Variants in SERTAD2 observed in about 807,000 individuals in gnomAD.
SERTAD2 encodes the protein SERTA domain-containing protein 2.
A neutral mutation model predicts 15.4 loss-of-function variants in SERTAD2; 2 were observed. The ratio of observed to expected loss-of-function variants is 0.13; its 90% confidence interval spans 0.05 to 0.41. The LOEUF (loss-of-function observed/expected upper bound fraction) is 0.41. Ranked by LOEUF, SERTAD2 falls within the 10% of genes least tolerant of loss-of-function variation. SERTAD2 has a pLI of 0.99. For missense variants in SERTAD2, 333 were observed against 409.7 expected, an observed-to-expected ratio of 0.81 and a Z score of 1.62; for synonymous variants, 180 against 178.0, an observed-to-expected ratio of 1.01 and a Z score of -0.09.
chr2:64,634,496 G>A lies in SERTAD2; in HGVS notation c.*1431C>T, dbSNP rs1226674117. On this transcript the variant is annotated 3_prime_UTR_variant, in exon 2 of 2. Coordinates refer to ENST00000313349, the MANE Select transcript of SERTAD2 (RefSeq NM_014755.3). ...ACTCAGGAAAGCAACCAGATGGGAA[G>A]CTGTGACGTAATGTGATGAACTCCA... is the stretch of plus-strand genomic sequence containing the variant. 6.6e-6 allele frequency: 1 copy of A among 152,202 alleles called. No homozygotes were observed. The highest frequency in any genetic ancestry group is 2.4e-5 in the African/African-American group (1 of 41,436). The allele number at this position is 152,202 out of a possible 1,614,324, so 9.4% of individuals were successfully genotyped here.
chr2:64,649,329 A>G (rs1311540849), intron 1 of SERTAD2, among the ~76,000 whole-genome samples: 1 of 152,216 alleles, frequency 6.6e-6, no homozygotes, highest in African/African-American at 2.4e-5. Flanking sequence ...GCAAAGCGCT[A>G]AAGGCTGATC....
chr2:64,640,967 C>T (rs1674764374), intron 1 of SERTAD2, among the ~76,000 whole-genome samples: 1 of 152,176 alleles, frequency 6.6e-6, no homozygotes, highest in African/African-American at 2.4e-5. Flanking sequence ...AATGACCTCC[C>T]TCCCCAATAA....
Position 64,635,702 on chromosome 2 carries a change from GGTA to G in SERTAD2, c.*222_*224del, listed in dbSNP as rs1415736329. The G allele has an allele frequency of 6.1e-6, 3 of 491,400 alleles. No homozygotes were observed. The highest frequency in any genetic ancestry group is 5.7e-5 in the African/African-American group (3 of 52,584). The allele number at this position is 491,400 out of a possible 1,614,324, so 30.4% of individuals were successfully genotyped here. A position where few individuals can be genotyped will look rare whatever the true frequency, so the allele number is the denominator to read the frequency against. ...TCAAATGGATTCTTTCCTATACCAG[GGTA>G]GTAGGTCTCTGAGGAACCACTCAAA... On this transcript the variant is annotated 3_prime_UTR_variant, in exon 2 of 2. Transcript: ENST00000313349.
intron 1 of SERTAD2, 31 bp from the exon 2 acceptor site, chr2:64,636,906 A>T (rs1674674847): frequency 6.9e-7 from 1 of 1,458,060 alleles, no homozygotes; most frequent in Admixed American, 1.9e-5. Flanking sequence ...AAATGGCATT[A>T]ATCACATGAA....
chr2:64,641,448 A>C (rs182666727), intron 1 of SERTAD2, among the ~76,000 whole-genome samples: 1 of 152,216 alleles, frequency 6.6e-6, no homozygotes, highest in Non-Finnish European at 1.5e-5. Flanking sequence ...TTGTCTCTTC[A>C]TATCTGTTTC....
At chr2:64,640,419 G>A (rs1674747075) in intron 1 of SERTAD2, among the ~76,000 whole-genome samples, 1 of 152,208 alleles carries the variant, frequency 6.6e-6, no homozygotes, top group Non-Finnish European at 1.5e-5. Flanking sequence ...GCCTTTCTGG[G>A]CCTGGCTCAG....
In SERTAD2 at chr2:64,634,936, G is replaced by C. The variant is rs1478598505; in HGVS notation, c.*991C>G. ...TTTACCCTCAAAAGAGGGAGCAAAA[G>C]AGAACCATCACTTAAACCCCCAGCT... is the stretch of plus-strand genomic sequence containing the variant. On this transcript the variant is annotated 3_prime_UTR_variant, in exon 2 of 2. Coordinates refer to ENST00000313349, the MANE Select transcript of SERTAD2 (RefSeq NM_014755.3). The C allele has an allele frequency of 2.6e-5, 4 of 152,680 alleles. No individual in the cohort carries two copies. Among genetic ancestry groups the C allele is most frequent in the East Asian group, 1.9e-4 (1 of 5,200 alleles). The allele number at this position is 152,680 out of a possible 1,614,324, so 9.5% of individuals were successfully genotyped here.
intron 1 of SERTAD2, 126 bp downstream of exon 1, chr2:64,653,494 G>A (rs1281829497): frequency 6.6e-6 from 1 of 152,392 alleles, no homozygotes; most frequent in Non-Finnish European, 1.5e-5. Context: ...TCCCGCGGCG[G>A]CGCCCGGCCC....
intron 1 of SERTAD2, 57 bp from the exon 2 acceptor site, chr2:64,636,932 T>TA (rs1238727030): frequency 4.7e-6 from 6 of 1,273,386 alleles, no homozygotes; most frequent in East Asian, 2.3e-5. Context: ...ATTTCTCCCA[T>TA]AAAAAAAGAG....
chr2:64,643,859 C>A (rs72894622), intron 1 of SERTAD2, among the ~76,000 whole-genome samples: 2,131 of 145,612 alleles, frequency 0.015, 38 homozygotes, highest in African/African-American at 0.049. Flanking sequence ...GAGTAAAACT[C>A]CGTCTCCAAA....
At chr2:64,649,215 T>C (rs986488830) in intron 1 of SERTAD2, among the ~76,000 whole-genome samples, 1 of 152,180 alleles carries the variant, frequency 6.6e-6, no homozygotes, top group African/African-American at 2.4e-5. Context: ...ACTTGGGCAA[T>C]ACTTCTAAAC....
Position 64,631,939 on chromosome 2 carries a change from C to T in SERTAD2, c.*3988G>A, listed in dbSNP as rs1235593768. 1 of 152,582 alleles carries T rather than the reference C, an allele frequency of 6.6e-6. No individual in the cohort carries two copies. The highest frequency in any genetic ancestry group is 1.5e-5 in the Non-Finnish European group (1 of 68,034). 9.5% of individuals were successfully genotyped at this position (152,582 alleles called of 1,614,324 possible). Reference sequence around the variant, plus strand: ...GCATTTCTCTTCCAAAACTTGTTATCCCCAAAAGAAGTCCAACTTTTTATT... The same window carrying T: ...GCATTTCTCTTCCAAAACTTGTTATTCCCAAAAGAAGTCCAACTTTTTATT... On this transcript the variant is annotated 3_prime_UTR_variant, in exon 2 of 2. Transcript: ENST00000313349.
chr2:64,652,490 A>G (rs1039194478), intron 1 of SERTAD2, among the ~76,000 whole-genome samples: 8 of 152,244 alleles, frequency 5.3e-5, no homozygotes, highest in Non-Finnish European at 7.3e-5. Flanking sequence ...CCTGGTGACT[A>G]CAACTTCTAG....
At chr2:64,637,666 C>T (rs1264248616) in intron 1 of SERTAD2, among the ~76,000 whole-genome samples, 2 of 152,178 alleles carry the variant, frequency 1.3e-5, no homozygotes, top group South Asian at 2.1e-4. Flanking sequence ...TTTGGGTACT[C>T]GAGACATTTC....
At chr2:64,644,807 CG>C (rs1333673333) in intron 1 of SERTAD2, 1 of 152,296 alleles carries the variant, frequency 6.6e-6, no homozygotes, top group Non-Finnish European at 1.5e-5. Flanking sequence ...GCAGCAGGCA[CG>C]GGATGTGGGC....
intron 1 of SERTAD2, among the ~76,000 whole-genome samples, chr2:64,648,830 A>G (rs1260929146): frequency 6.6e-6 from 1 of 152,192 alleles, no homozygotes; most frequent in Non-Finnish European, 1.5e-5. Context: ...ATTTCTGGAC[A>G]TGGTAAAACT....
At chr2:64,651,195 T>C (rs1263953166) in intron 1 of SERTAD2, among the ~76,000 whole-genome samples, 2 of 152,256 alleles carry the variant, frequency 1.3e-5, no homozygotes, top group African/African-American at 4.8e-5. Context: ...TACTTTTTTT[T>C]CTGTGCTTTT....
At position 64,636,590 on chromosome 2, in the gene SERTAD2, G is replaced by A. The variant is rs764821108; in HGVS notation, c.282C>T (p.Thr94=). The A allele has an allele frequency of 1.9e-5, 30 of 1,602,972 alleles. No homozygotes were observed. Among genetic ancestry groups the A allele is most frequent in the African/African-American group, 4.0e-5 (3 of 74,548 alleles). The part of the protein sequence containing the change: ...PMFTPSSQPT[T]EPSDSYREAP... ...CCTCTCGGTAGCTGTCGCTGGGCTC[G>A]GTGGTGGGCTGGGAGGAGGGGGTGA... is the stretch of plus-strand genomic sequence containing the variant. Residue 94 remains threonine (T), a synonymous_variant, in exon 2 of 2, where the codon ACC becomes ACT. Coordinates refer to ENST00000313349, the MANE Select transcript of SERTAD2 (RefSeq NM_014755.3).
At chr2:64,642,519 T>A (rs545959933) in intron 1 of SERTAD2, among the ~76,000 whole-genome samples, 62 of 151,964 alleles carry the variant, frequency 4.1e-4, no homozygotes, top group Middle Eastern at 3.4e-3. Context: ...TTTTTTTTTT[T>A]AAATTACTGT....
Sources: gnomAD v4.1 joint callset for allele counts (sites outside exome capture counted in the v4.1 genomes callset) on GRCh38, gnomAD v4.1.1 for gene constraint, MANE v1.5 for transcripts, NCBI Gene and HGNC (gene_info 2026-07-23, HGNC 2026-07-21) for gene names.